Variants in AGMO observed in about 807,000 individuals in gnomAD.
AGMO encodes the protein alkylglycerol monooxygenase.
Under a neutral mutation model 60.2 loss-of-function variants are expected in AGMO, and 75 were observed. That is an observed-to-expected ratio of 1.25 (90% CI 1.03 to 1.51). The LOEUF is 1.51. Ranked by LOEUF, AGMO falls within the 40% of genes most tolerant of loss-of-function variation. The probability of loss-of-function intolerance (pLI) is 0.00; values close to 1 mark genes in which losing one functional copy is unlikely to be tolerated. For missense variants in AGMO, 763 were observed against 525.5 expected, an observed-to-expected ratio of 1.45 and a Z score of -4.42; for synonymous variants, 261 against 177.1, an observed-to-expected ratio of 1.47 and a Z score of -3.76.
chr7:15,198,371 G>A (rs575946000), downstream of AGMO, among the ~76,000 whole-genome samples: 1 of 152,174 alleles, frequency 6.6e-6, no homozygotes, highest in African/African-American at 2.4e-5. Flanking sequence ...TCATGTATTA[G>A]TGCTCTGCAA....
chr7:15,537,731 T>G (rs1220909620), intron 3 of AGMO, among the ~76,000 whole-genome samples: 1 of 152,112 alleles, frequency 6.6e-6, no homozygotes, highest in African/African-American at 2.4e-5. Flanking sequence ...AGCCATAATC[T>G]TTTTTTCAAA....
chr7:15,140,793 T>G, the AGMO span, among the ~76,000 whole-genome samples: 1 of 152,216 alleles, frequency 6.6e-6, no homozygotes, highest in Admixed American at 6.5e-5. Flanking sequence ...TTCTACAATT[T>G]TACATTTTTA....
intron 5 of AGMO, among the ~76,000 whole-genome samples, chr7:15,415,260 C>T (rs1266545616): frequency 6.6e-6 from 1 of 151,986 alleles, no homozygotes; most frequent in African/African-American, 2.4e-5. Flanking sequence ...CCATGCCCGG[C>T]TAATTTTTTT....
chr7:15,450,376 C>T (rs1418092563), intron 3 of AGMO, among the ~76,000 whole-genome samples: 2 of 149,954 alleles, frequency 1.3e-5, no homozygotes, highest in African/African-American at 2.5e-5. Context: ...GCCAAGATCA[C>T]GCCACTGCAC....
the AGMO span, among the ~76,000 whole-genome samples, chr7:15,148,072 A>C: frequency 6.6e-6 from 1 of 152,088 alleles, no homozygotes; most frequent in Admixed American, 6.6e-5. Context: ...AATAGTATTA[A>C]TTTTATTTTT....
At chr7:15,217,850 T>G (rs1325462150) in intron 12 of AGMO, among the ~76,000 whole-genome samples, 1 of 152,074 alleles carries the variant, frequency 6.6e-6, no homozygotes, top group Admixed American at 6.6e-5. Context: ...AATGGCACAC[T>G]GTTAATTTAT....
At chr7:15,150,115 A>G in the AGMO span, among the ~76,000 whole-genome samples, 1 of 152,002 alleles carries the variant, frequency 6.6e-6, no homozygotes, top group Non-Finnish European at 1.5e-5. Context: ...TTATTGGTCC[A>G]AGTAGCATAG....
chr7:15,366,322 T>G, intron 10 of AGMO, 100 bp from the exon 11 acceptor site: 2 of 718,690 alleles, frequency 2.8e-6, no homozygotes, highest in Non-Finnish European at 4.6e-6. Flanking sequence ...TTATGTCCTG[T>G]TGCACCACTT....
At chr7:15,435,153 CA>C (rs1289504197) in intron 3 of AGMO, among the ~76,000 whole-genome samples, 1 of 151,960 alleles carries the variant, frequency 6.6e-6, no homozygotes, top group Non-Finnish European at 1.5e-5. Context: ...CAGTTTTTGA[CA>C]GATAAAAGTT....
At chr7:15,347,170 T>TG (rs1782065100) in intron 12 of AGMO, among the ~76,000 whole-genome samples, 1 of 152,056 alleles carries the variant, frequency 6.6e-6, no homozygotes, top group Non-Finnish European at 1.5e-5. Context: ...CCAATGTTAC[T>TG]GTCTTTTTGT....
chr7:15,209,156 C>G (rs1193368823), intron 12 of AGMO, among the ~76,000 whole-genome samples: 1 of 152,124 alleles, frequency 6.6e-6, no homozygotes, highest in Non-Finnish European at 1.5e-5. Context: ...TCAGTGTATT[C>G]CAAAGAGCAA....
chr7:15,478,126 C>T (rs1446997648), intron 3 of AGMO, among the ~76,000 whole-genome samples: 2 of 152,198 alleles, frequency 1.3e-5, no homozygotes, highest in Admixed American at 6.5e-5. Flanking sequence ...TGGTTCAATA[C>T]TCATGGATGA....
At chr7:15,124,941 G>A in the AGMO span, among the ~76,000 whole-genome samples, 17 of 151,882 alleles carry the variant, frequency 1.1e-4, no homozygotes, top group Non-Finnish European at 2.5e-4. Flanking sequence ...CATAGAGGGG[G>A]GACACAGAAA....
At chr7:15,560,381 C>A (rs1785271835) in intron 1 of AGMO, 110 bp from the exon 2 acceptor site, 3 of 1,178,534 alleles carry the variant, frequency 2.5e-6, no homozygotes, top group Admixed American at 2.4e-5. Flanking sequence ...GGAAGCCCTG[C>A]AGGAGATGGT....
intron 12 of AGMO, among the ~76,000 whole-genome samples, chr7:15,252,691 A>G (rs1016282053): frequency 2.0e-5 from 3 of 152,210 alleles, no homozygotes; most frequent in Admixed American, 6.5e-5. Flanking sequence ...AGCTATGGTG[A>G]TAACTGTCAG....
downstream of AGMO, among the ~76,000 whole-genome samples, chr7:15,197,259 C>A (rs554102687): frequency 1.3e-5 from 2 of 152,008 alleles, no homozygotes; most frequent in Admixed American, 1.3e-4. Context: ...TATTGTTCTC[C>A]CGAATAAATC....
intron 12 of AGMO, among the ~76,000 whole-genome samples, chr7:15,272,533 T>C (rs1783647826): frequency 6.6e-6 from 1 of 152,144 alleles, no homozygotes; most frequent in Admixed American, 6.5e-5. Context: ...CTATCATTGA[T>C]GGACATTTGG....
At chr7:15,125,185 T>G in the AGMO span, among the ~76,000 whole-genome samples, 1 of 152,102 alleles carries the variant, frequency 6.6e-6, no homozygotes, top group Non-Finnish European at 1.5e-5. Flanking sequence ...TATTATGCAG[T>G]TTGTTCACTT....
chr7:15,336,768 T>C (rs1781676273), intron 12 of AGMO, among the ~76,000 whole-genome samples: 1 of 152,012 alleles, frequency 6.6e-6, no homozygotes, highest in African/African-American at 2.4e-5. Flanking sequence ...TCTTAGGTTA[T>C]AATAATTACA....
Sources: gnomAD v4.1 joint callset for allele counts (sites outside exome capture counted in the v4.1 genomes callset) on GRCh38, gnomAD v4.1.1 for gene constraint, MANE v1.5 for transcripts, NCBI Gene and HGNC (gene_info 2026-07-23, HGNC 2026-07-21) for gene names.